Variants in FAT3 observed in about 807,000 individuals in gnomAD.
FAT3 encodes the protein FAT atypical cadherin 3, also known as protocadherin Fat 3.
In FAT3, 95 loss-of-function variants were observed where a neutral mutation model predicts 310.2. The observed-to-expected ratio is 0.31, with a 90% confidence interval of 0.26 to 0.36. The LOEUF (loss-of-function observed/expected upper bound fraction) is 0.36. Among genes scored for constraint, FAT3 ranks in the 10% least tolerant of loss-of-function variants. The probability of loss-of-function intolerance (pLI) is 1.00; values close to 1 mark genes in which losing one functional copy is unlikely to be tolerated. For missense variants in FAT3, 5,408 were observed against 5,715.6 expected (o/e 0.95, Z 1.74); for synonymous variants, 2,314 against 2,192.9 (o/e 1.06, Z -1.54).
rs572377237 is a variant in FAT3, at chr11:92,460,146, G to A, written c.3293-64488G>A. On this transcript the variant is annotated intron_variant, in intron 2 of 27. Transcript: ENST00000525166. ...TTAATGTTAGGCGATGCTCTGTAAA[G>A]CGAGTTCTGGGAAATGGATTTCATA... Among the ~76,000 whole-genome samples the A allele has an allele frequency of 2.6e-5, 4 of 152,284 alleles. No homozygotes were observed. The South Asian group carries it at 6.2e-4, about 24-fold the overall frequency.
chr11:92,468,100 G>A, intron 2 of FAT3, among the ~76,000 whole-genome samples: 1 of 152,288 alleles, frequency 6.6e-6, no homozygotes, highest in East Asian at 1.9e-4. Flanking sequence ...GAGTACAATA[G>A]CCTCACTTTG....
chr11:92,531,638 A>G (rs1954076745), intron 3 of FAT3, among the ~76,000 whole-genome samples: 2 of 152,110 alleles, frequency 1.3e-5, no homozygotes, highest in South Asian at 4.2e-4. Flanking sequence ...ACCCACTGAG[A>G]ACAGGTAGCG....
intron 2 of FAT3, among the ~76,000 whole-genome samples, chr11:92,487,168 TA>T (rs1233857490): frequency 6.6e-6 from 1 of 152,124 alleles, no homozygotes; most frequent in Non-Finnish European, 1.5e-5. Context: ...TGTTTCATAT[TA>T]TTTTTTTCAA....
intron 3 of FAT3, among the ~76,000 whole-genome samples, chr11:92,608,235 T>G (rs2135611941): frequency 6.6e-6 from 1 of 152,324 alleles, no homozygotes; most frequent in East Asian, 1.9e-4. Flanking sequence ...AACATTAATT[T>G]AATGCATTTT....
At chr11:92,543,645 T>G (rs1382585755) in intron 3 of FAT3, among the ~76,000 whole-genome samples, 1 of 152,210 alleles carries the variant, frequency 6.6e-6, no homozygotes, top group Non-Finnish European at 1.5e-5. Flanking sequence ...GCTATGCAAA[T>G]AGTGCACATA....
At chr11:92,782,900 T>C (rs1946789731) in intron 7 of FAT3, among the ~76,000 whole-genome samples, 1 of 152,210 alleles carries the variant, frequency 6.6e-6, no homozygotes, top group Non-Finnish European at 1.5e-5. Flanking sequence ...GACTTTGTTT[T>C]ATGGCCTCCC....
chr11:92,380,072 C>CATGT (rs1555028339), intron 2 of FAT3, among the ~76,000 whole-genome samples: 1 of 145,210 alleles, frequency 6.9e-6, no homozygotes, highest in African/African-American at 2.5e-5. Context: ...CAAACTGATT[C>CATGT]GTGTGTGTGT....
chr11:92,288,150 A>G (rs1251687274), intron 1 of FAT3, among the ~76,000 whole-genome samples: 1 of 151,414 alleles, frequency 6.6e-6, no homozygotes, highest in Non-Finnish European at 1.5e-5. Context: ...CTGTAAAACA[A>G]AGGAGATTCT....
chr11:92,735,287 G>A (rs188115192), intron 4 of FAT3, among the ~76,000 whole-genome samples: 9 of 152,210 alleles, frequency 5.9e-5, no homozygotes, highest in African/African-American at 2.2e-4. Context: ...ATTCTGAATT[G>A]GAGTTTTCAG....
intron 3 of FAT3, among the ~76,000 whole-genome samples, chr11:92,662,588 A>C (rs1007589850): frequency 1.3e-5 from 2 of 152,208 alleles, no homozygotes; most frequent in African/African-American, 4.8e-5. Flanking sequence ...GTACATAAAC[A>C]TCAAAACCTC....
chr11:92,568,404 G>A (rs1955552010), intron 3 of FAT3, among the ~76,000 whole-genome samples: 1 of 152,078 alleles, frequency 6.6e-6, no homozygotes, highest in African/African-American at 2.4e-5. Flanking sequence ...GTAGACTAGT[G>A]AGTACATTTT....
At chr11:92,330,566 A>G (rs1041227197) in intron 1 of FAT3, among the ~76,000 whole-genome samples, 7 of 152,226 alleles carry the variant, frequency 4.6e-5, no homozygotes, top group Non-Finnish European at 5.9e-5. Flanking sequence ...TGTTTTGCCC[A>G]GGGTCCCAAG....
chr11:92,598,565 G>A (rs1221603750), intron 3 of FAT3, among the ~76,000 whole-genome samples: 1 of 152,148 alleles, frequency 6.6e-6, no homozygotes, highest in East Asian at 1.9e-4. Flanking sequence ...ATGAGTGAGA[G>A]AGTATGGATG....
intron 1 of FAT3, among the ~76,000 whole-genome samples, chr11:92,342,360 G>C (rs1283041217): frequency 6.6e-6 from 1 of 152,116 alleles, no homozygotes. Flanking sequence ...CAACAGGAAA[G>C]GGGTGCAACA....
chr11:92,783,648 C>T (rs1946814604), intron 7 of FAT3, among the ~76,000 whole-genome samples: 1 of 151,560 alleles, frequency 6.6e-6, no homozygotes, highest in Non-Finnish European at 1.5e-5. Flanking sequence ...CTCTACAAAA[C>T]AAAAAATTAG....
intron 2 of FAT3, among the ~76,000 whole-genome samples, chr11:92,382,764 A>G (rs924410985): frequency 5.3e-5 from 8 of 152,212 alleles, no homozygotes; most frequent in Admixed American, 4.6e-4. Context: ...TCTGTCTTAA[A>G]GAGTGGTCCG....
intron 2 of FAT3, among the ~76,000 whole-genome samples, chr11:92,409,004 G>T (rs1950195440): frequency 6.6e-6 from 1 of 152,110 alleles, no homozygotes; most frequent in Non-Finnish European, 1.5e-5. Flanking sequence ...TAATAATCCT[G>T]TCAACTATTA....
intron 1 of FAT3, among the ~76,000 whole-genome samples, chr11:92,297,183 T>G (rs1565209097): frequency 6.6e-6 from 1 of 152,114 alleles, no homozygotes; most frequent in East Asian, 1.9e-4. Context: ...CATGAAGCCC[T>G]CCTTAAATTC....
intron 2 of FAT3, among the ~76,000 whole-genome samples, chr11:92,429,533 A>G (rs1447293953): frequency 6.6e-6 from 1 of 151,958 alleles, no homozygotes; most frequent in Non-Finnish European, 1.5e-5. Context: ...TTTCCTCTCC[A>G]TATTTAGTGC....
Sources: allele counts gnomAD v4.1 joint callset (sites outside exome capture counted in the v4.1 genomes callset), GRCh38; gene constraint gnomAD v4.1.1; transcripts MANE v1.5; gene names NCBI Gene and HGNC (gene_info 2026-07-23, HGNC 2026-07-21).